TGM3: variants seen among roughly 807,000 people sequenced by gnomAD.
TGM3 encodes transglutaminase 3.
TGM3 carries 52 observed loss-of-function variants against 73.8 expected under a neutral mutation model. That is an observed-to-expected ratio of 0.70 (90% CI 0.56 to 0.89). The LOEUF (loss-of-function observed/expected upper bound fraction) is 0.89. TGM3 is among the 40% of genes least tolerant of loss of function. The probability of loss-of-function intolerance (pLI) is 0.00; values close to 1 mark genes in which losing one functional copy is unlikely to be tolerated. For missense variants in TGM3, 928 were observed against 909.9 expected, an observed-to-expected ratio of 1.02 and a Z score of -0.26; for synonymous variants, 372 against 354.9, an observed-to-expected ratio of 1.05 and a Z score of -0.54.
At chr20:2,305,548 G>T (rs2084172475) in intron 1 of TGM3, among the ~76,000 whole-genome samples, 1 of 152,198 alleles carries the variant, frequency 6.6e-6, no homozygotes, top group South Asian at 2.1e-4. Context: ...TACATAACAT[G>T]TTCTGTGGAC....
At chr20:2,333,953 T>G (rs978924069) in intron 10 of TGM3, among the ~76,000 whole-genome samples, 24 of 152,264 alleles carry the variant, frequency 1.6e-4, no homozygotes, top group African/African-American at 5.3e-4. Context: ...GATGGCAAAT[T>G]CCTTCAGTGC....
intron 7 of TGM3, among the ~76,000 whole-genome samples, chr20:2,324,305 G>A (rs148011122): frequency 1.4e-3 from 206 of 151,748 alleles, no homozygotes; most frequent in African/African-American, 4.3e-3. Context: ...GTTGAGCCTC[G>A]CTCTAGTAGC....
intron 4 of TGM3, 107 bp downstream of exon 4, chr20:2,311,236 C>T: frequency 2.2e-6 from 2 of 924,362 alleles, no homozygotes. Context: ...ATCTGCCTGC[C>T]CTTCTATTTG....
intron 7 of TGM3, among the ~76,000 whole-genome samples, chr20:2,319,669 C>G (rs45501995): frequency 0.015 from 2,325 of 152,256 alleles, 50 homozygotes; most frequent in African/African-American, 0.053. Context: ...CGCAGAAGCT[C>G]TGACTGTTCC....
At chr20:2,302,425 C>G (rs1158909440) in intron 1 of TGM3, among the ~76,000 whole-genome samples, 1 of 146,936 alleles carries the variant, frequency 6.8e-6, no homozygotes, top group Non-Finnish European at 1.5e-5. Context: ...AACAGTGAAC[C>G]CCCCCAAAAA....
intron 7 of TGM3, among the ~76,000 whole-genome samples, chr20:2,323,865 C>A (rs2084273764): frequency 6.6e-6 from 1 of 152,250 alleles, no homozygotes; most frequent in Non-Finnish European, 1.5e-5. Flanking sequence ...ATTTGTATTT[C>A]TTATAAAAAT....
At chr20:2,318,767 TATC>T (rs1165722705) in intron 7 of TGM3, among the ~76,000 whole-genome samples, 18 of 152,254 alleles carry the variant, frequency 1.2e-4, no homozygotes, top group Non-Finnish European at 2.6e-4. Flanking sequence ...TTGTATTACT[TATC>T]ATTCCCAGAA....
At position 2,317,260 on chromosome 20, in the gene TGM3, G is replaced by T; in HGVS notation, c.847+15G>T. The T allele has an allele frequency of 6.2e-7, 1 of 1,613,938 alleles. No homozygotes were observed. Among genetic ancestry groups the T allele is most frequent in the Non-Finnish European group, 8.5e-7 (1 of 1,179,850 alleles). On this transcript the variant is annotated intron_variant, in intron 6 of 12. Coordinates refer to ENST00000381458, the MANE Select transcript of TGM3 (RefSeq NM_003245.4). Reference sequence around the variant, plus strand: ...CCTCAACACAGGTACCTTGGGTGTGGTGTGCCTTGGCTGGGTCAGTGGGTG... The same window carrying T: ...CCTCAACACAGGTACCTTGGGTGTGTTGTGCCTTGGCTGGGTCAGTGGGTG...
At chr20:2,335,402 G>A (rs951966845) in intron 11 of TGM3, 129 bp downstream of exon 11, 2 of 1,179,004 alleles carry the variant, frequency 1.7e-6, no homozygotes, top group Non-Finnish European at 2.4e-6. Flanking sequence ...GCTGGGAGGG[G>A]CAGAGAACTG....
intron 7 of TGM3, among the ~76,000 whole-genome samples, chr20:2,324,522 C>A (rs943134735): frequency 1.3e-5 from 2 of 152,230 alleles, no homozygotes; most frequent in African/African-American, 4.8e-5. Context: ...TGCAAACTGT[C>A]TCCCTTGCAG....
intron 4 of TGM3, among the ~76,000 whole-genome samples, chr20:2,311,680 C>A (rs551273045): frequency 9.9e-5 from 15 of 152,282 alleles, no homozygotes; most frequent in East Asian, 3.9e-4. Context: ...GAATAAAGCA[C>A]CTCGGGCGGG....
At chr20:2,316,817 C>T (rs181567889) in intron 5 of TGM3, among the ~76,000 whole-genome samples, 58 of 152,178 alleles carry the variant, frequency 3.8e-4, no homozygotes, top group African/African-American at 1.3e-3. Context: ...ACAGGAATGA[C>T]GTATGGATCA....
chr20:2,305,676 C>T (rs1210575948), intron 1 of TGM3, among the ~76,000 whole-genome samples: 2 of 152,196 alleles, frequency 1.3e-5, no homozygotes, highest in South Asian at 2.1e-4. Flanking sequence ...GAGCAAGGCT[C>T]GTTGGTGCTG....
chr20:2,327,986 A>G lies in TGM3; in HGVS notation c.1088-134A>G, dbSNP rs1213139531. 3.1e-6 allele frequency: 4 copies of G among 1,277,056 alleles called. No homozygotes were observed. The African/African-American group carries it at 4.4e-5, about 14-fold the overall frequency. 79.1% of individuals were successfully genotyped at this position (1,277,056 alleles called of 1,614,324 possible). On this transcript the variant is annotated intron_variant, in intron 8 of 12. Transcript: ENST00000381458. ...CTGCAGAATGCCAAATGAGTGGGAC[A>G]CACAGTCAGGGGTGAAGGAATTTGG...
chr20:2,298,912 C>T (rs936591342), intron 1 of TGM3, among the ~76,000 whole-genome samples: 5 of 152,146 alleles, frequency 3.3e-5, no homozygotes, highest in African/African-American at 4.8e-5. Flanking sequence ...CCTGTCTGCC[C>T]GGCTCCATGG....
rs753414441 is a variant in TGM3 at position 2,332,145 on chromosome 20, C to G, written c.1477C>G (p.Leu493Val). Residue 493 changes from leucine (L) to valine (V), a missense_variant, in exon 10 of 13, where the codon CTG becomes GTG. Transcript: ENST00000381458. The surrounding 1 kb of genome is among the most constrained non-coding windows in gnomAD (Gnocchi z 4.4). ...CGGGAAGCTGAAGGTCGCTGGCATGCTGGCAGTAGGCAAAGAAGTCAACCT... is the reference window on the plus strand; with the variant it reads ...CGGGAAGCTGAAGGTCGCTGGCATGGTGGCAGTAGGCAAAGAAGTCAACCT... ...IIGKLKVAGM[L>V]AVGKEVNLVL... is the part of the protein sequence containing the mutation. 6.2e-7 allele frequency: 1 copy of G among 1,614,222 alleles called. No homozygotes were observed. Among genetic ancestry groups the G allele is most frequent in the Non-Finnish European group, 8.5e-7 (1 of 1,180,028 alleles).
rs1402782715 is a variant in TGM3 at position 2,310,459 on chromosome 20, T to A, written c.421+42T>A. 5.0e-6 allele frequency: 8 copies of A among 1,598,232 alleles called. No individual in the cohort carries two copies. In the Admixed American group the frequency reaches 6.9e-5, roughly 14 times the overall value. The stretch of plus-strand genomic sequence containing the variant: ...CCACACTCTCAGCCCTGGCCTAAGC[T>A]AGAAAAGAAAAAGGGGATGGGGGAA... On this transcript the variant is annotated intron_variant, in intron 3 of 12. Coordinates refer to ENST00000381458, the MANE Select transcript of TGM3 (RefSeq NM_003245.4).
At chr20:2,325,646 GC>G (rs2084282759) in intron 7 of TGM3, among the ~76,000 whole-genome samples, 1 of 152,180 alleles carries the variant, frequency 6.6e-6, no homozygotes, top group African/African-American at 2.4e-5. Context: ...TATAAAACGG[GC>G]ATAAAAATGG....
chr20:2,318,308 T>C (rs886156670), intron 7 of TGM3, among the ~76,000 whole-genome samples: 1 of 152,204 alleles, frequency 6.6e-6, no homozygotes, highest in African/African-American at 2.4e-5. Flanking sequence ...CGTAAGCCAC[T>C]GCACCCGGCC....
Sources: allele counts gnomAD v4.1 joint callset (sites outside exome capture counted in the v4.1 genomes callset), GRCh38; gene constraint gnomAD v4.1.1; non-coding constraint Gnocchi (gnomAD v3.1); transcripts MANE v1.5; gene names NCBI Gene and HGNC (gene_info 2026-07-23, HGNC 2026-07-21).